Variants in WFDC1 observed in about 807,000 individuals in gnomAD.
The protein encoded by WFDC1 is WAP four-disulfide core domain 1.
In WFDC1, 39 loss-of-function variants were observed where a neutral mutation model predicts 32.9. The ratio of observed to expected loss-of-function variants is 1.19; its 90% CI spans 0.92 to 1.55. WFDC1 has a LOEUF of 1.55. WFDC1 is among the 40% of genes most tolerant of loss of function. WFDC1 has a pLI of 0.00. For synonymous variants in WFDC1, 184 were observed against 137.4 expected (o/e 1.34, Z -2.37); for missense variants, 386 against 309.5 (o/e 1.25, Z -1.85).
At chr16:84,300,233 GTGCC>G (rs1159070096) in intron 1 of WFDC1, among the ~76,000 whole-genome samples, 1 of 152,236 alleles carries the variant, frequency 6.6e-6, no homozygotes, top group Non-Finnish European at 1.5e-5. Flanking sequence ...TCAGGCCAAG[GTGCC>G]GGGGAGGTAA....
chr16:84,297,647 A>AAAC (rs1906688346), intron 1 of WFDC1, among the ~76,000 whole-genome samples: 1 of 126,304 alleles, frequency 7.9e-6, no homozygotes, highest in South Asian at 2.7e-4. Context: ...AAAAAAAAAA[A>AAAC]CTGTGCCTCA....
At chr16:84,301,920 G>A (rs1473167916) in intron 1 of WFDC1, among the ~76,000 whole-genome samples, 1 of 152,152 alleles carries the variant, frequency 6.6e-6, no homozygotes, top group African/African-American at 2.4e-5. Flanking sequence ...CTCGGGAGAG[G>A]GAGACAGGAA....
At chr16:84,318,471 C>A in intron 3 of WFDC1, 116 bp downstream of exon 3, 5 of 945,778 alleles carry the variant, frequency 5.3e-6, no homozygotes, top group Non-Finnish European at 8.3e-6. Context: ...GCCCTTCAGC[C>A]AAACACTCAG....
At chr16:84,325,140 A>G (rs1366439526) in intron 5 of WFDC1, among the ~76,000 whole-genome samples, 1 of 150,846 alleles carries the variant, frequency 6.6e-6, no homozygotes, top group African/African-American at 2.4e-5. Context: ...CCAATCATCC[A>G]TTCATCTATC....
At chr16:84,323,529 A>G (rs1320306802) in intron 4 of WFDC1, among the ~76,000 whole-genome samples, 3 of 152,194 alleles carry the variant, frequency 2.0e-5, no homozygotes, top group African/African-American at 7.2e-5. Context: ...CAAAGATAGA[A>G]TTTTCATACG....
intron 1 of WFDC1, among the ~76,000 whole-genome samples, chr16:84,299,857 C>T (rs954036534): frequency 2.6e-5 from 4 of 152,112 alleles, no homozygotes; most frequent in Admixed American, 6.6e-5. Flanking sequence ...GGAGCTGGTG[C>T]CACTTTCTCT....
intron 6 of WFDC1, chr16:84,328,919 C>T (rs1397436308): frequency 1.3e-5 from 2 of 151,424 alleles, no homozygotes; most frequent in African/African-American, 2.4e-5. Flanking sequence ...CACCATTGCA[C>T]TCCAGCCTGG....
intron 1 of WFDC1, among the ~76,000 whole-genome samples, chr16:84,296,428 G>A (rs184542076): frequency 1.4e-4 from 21 of 152,296 alleles, no homozygotes; most frequent in African/African-American, 4.8e-4. Context: ...GTGGTAGCAC[G>A]GGATGCGTGT....
Position 84,326,874 on chromosome 16 carries a change from T to C in WFDC1, c.605-8T>C. 1 of 1,613,980 alleles carries C rather than the reference T, an allele frequency of 6.2e-7. No individual in the cohort carries two copies. The highest frequency in any genetic ancestry group is 8.5e-7 in the Non-Finnish European group (1 of 1,179,974). On this transcript the variant is annotated splice_region_variant and splice_polypyrimidine_tract_variant and intron_variant, in intron 5 of 6. Transcript: ENST00000219454. Reference sequence around the variant, plus strand: ...ATCTACCCCAACAGAGCTGTGTTCTTTTCACAGAAGGTGACTCAAAGAATG... The same window carrying C: ...ATCTACCCCAACAGAGCTGTGTTCTCTTCACAGAAGGTGACTCAAAGAATG...
At chr16:84,298,053 C>A in intron 1 of WFDC1, among the ~76,000 whole-genome samples, 1 of 152,264 alleles carries the variant, frequency 6.6e-6, no homozygotes, top group East Asian at 1.9e-4. Context: ...CTCTGGAGAG[C>A]CAGTTTTGTT....
intron 1 of WFDC1, among the ~76,000 whole-genome samples, chr16:84,304,013 C>T (rs573742149): frequency 2.0e-5 from 3 of 152,232 alleles, no homozygotes; most frequent in South Asian, 2.1e-4. Flanking sequence ...CATGGTGGAT[C>T]GACATCTTCC....
At chr16:84,297,234 T>C (rs560724404) in intron 1 of WFDC1, among the ~76,000 whole-genome samples, 24 of 152,264 alleles carry the variant, frequency 1.6e-4, no homozygotes, top group Non-Finnish European at 2.6e-4. Context: ...GTGCTTTGAA[T>C]TGGCTCCTCG....
At chr16:84,315,363 CTG>C (rs1392516930) in intron 2 of WFDC1, among the ~76,000 whole-genome samples, 3 of 152,204 alleles carry the variant, frequency 2.0e-5, no homozygotes, top group Non-Finnish European at 4.4e-5. Flanking sequence ...TGTTCATTGA[CTG>C]TTCTCTCCCC....
intron 1 of WFDC1, chr16:84,295,341 A>G (rs1906531419): frequency 1.9e-6 from 1 of 537,630 alleles, no homozygotes; most frequent in African/African-American, 2.0e-5. Context: ...CACATCACAA[A>G]TGTGCCAAAG....
At chr16:84,303,135 C>T (rs142738572) in intron 1 of WFDC1, among the ~76,000 whole-genome samples, 91 of 151,652 alleles carry the variant, frequency 6.0e-4, no homozygotes, top group Non-Finnish European at 1.1e-3. Context: ...CATTCATCTA[C>T]GCACGCTGAA....
intron 4 of WFDC1, 99 bp downstream of exon 4, chr16:84,319,670 G>C: frequency 6.7e-7 from 1 of 1,502,326 alleles, no homozygotes; most frequent in Non-Finnish European, 8.9e-7. Context: ...CCAGGAAGCA[G>C]CCCCAGCACC....
intron 4 of WFDC1, among the ~76,000 whole-genome samples, chr16:84,321,478 C>A (rs1398441242): frequency 1.7e-4 from 26 of 152,192 alleles, no homozygotes; most frequent in Admixed American, 1.7e-3. Flanking sequence ...GTTCGTTGGG[C>A]TATGCCACCA....
chr16:84,295,534 C>A, intron 1 of WFDC1: 1 of 258,524 alleles, frequency 3.9e-6, no homozygotes. Flanking sequence ...TGAATACACT[C>A]TGTTAAACAG....
intron 3 of WFDC1, 113 bp downstream of exon 3, chr16:84,318,468 A>C: frequency 1.0e-6 from 1 of 964,632 alleles, no homozygotes; most frequent in Non-Finnish European, 1.6e-6. Flanking sequence ...CGGGCCCTTC[A>C]GCCAAACACT....
Sources: allele counts gnomAD v4.1 joint callset (sites outside exome capture counted in the v4.1 genomes callset), GRCh38; gene constraint gnomAD v4.1.1; transcripts MANE v1.5; gene names NCBI Gene and HGNC (gene_info 2026-07-23, HGNC 2026-07-21).